Variants in PRTG observed in about 807,000 individuals in gnomAD.
PRTG encodes protogenin.
PRTG carries 67 observed loss-of-function variants against 122.5 expected under a neutral mutation model. The observed-to-expected ratio is 0.55, with a 90% CI of 0.45 to 0.67. The LOEUF (loss-of-function observed/expected upper bound fraction) is 0.67, where lower values mean the gene tolerates loss of function less well. Ranked by LOEUF, PRTG falls within the 30% of genes least tolerant of loss-of-function variation. The probability of loss-of-function intolerance (pLI) is 0.00; values close to 1 mark genes in which losing one functional copy is unlikely to be tolerated. For missense variants in PRTG, 1,435 were observed against 1,415.4 expected (o/e 1.01, Z -0.22); for synonymous variants, 554 against 501.1 (o/e 1.11, Z -1.41).
At chr15:55,672,864 T>C (rs908389316) in intron 10 of PRTG, among the ~76,000 whole-genome samples, 4 of 152,166 alleles carry the variant, frequency 2.6e-5, no homozygotes, top group African/African-American at 9.7e-5. Context: ...TAGTAATATC[T>C]GGACATTTAA....
chr15:55,724,129 A>G (rs1178378539), intron 2 of PRTG, among the ~76,000 whole-genome samples: 1 of 152,152 alleles, frequency 6.6e-6, no homozygotes, highest in Non-Finnish European at 1.5e-5. Context: ...TTTTATGTGC[A>G]CTAGAGGACA....
At chr15:55,704,636 T>G (rs2030019753) in intron 2 of PRTG, among the ~76,000 whole-genome samples, 1 of 152,192 alleles carries the variant, frequency 6.6e-6, no homozygotes, top group Admixed American at 6.5e-5. Context: ...CTCTTTCACA[T>G]AATAACCACT....
At chr15:55,737,567 G>A (rs2031450199) in intron 2 of PRTG, among the ~76,000 whole-genome samples, 1 of 152,158 alleles carries the variant, frequency 6.6e-6, no homozygotes, top group South Asian at 2.1e-4. Context: ...TAACTTTGCA[G>A]AAGAGCTACA....
At position 55,701,921 on chromosome 15, in the gene PRTG, A is replaced by G. The variant is rs534562386; in HGVS notation, c.398-17990T>C. Reference sequence around the variant, plus strand: ...AATGCAAAATATATGGGCTGCTAGGAGTCAGGGGAGAGAGAGGGTTATGAC... The same window carrying G: ...AATGCAAAATATATGGGCTGCTAGGGGTCAGGGGAGAGAGAGGGTTATGAC... On this transcript the variant is annotated intron_variant, in intron 2 of 19. Transcript: ENST00000389286. Among the ~76,000 whole-genome samples the G allele has an allele frequency of 1.3e-4, 20 of 152,286 alleles. 1 individual carries two copies. In the South Asian group the frequency reaches 4.1e-3, roughly 32 times the overall value.
chr15:55,671,588 A>T (rs7167804), intron 11 of PRTG, among the ~76,000 whole-genome samples: 144,914 of 152,168 alleles, frequency 0.95, 69,400 homozygotes, highest in Non-Finnish European at 1. Context: ...AACCTCCACC[A>T]CCCAGGGTGA....
At chr15:55,625,711 C>CA (rs1047094162) in intron 17 of PRTG, among the ~76,000 whole-genome samples, 2 of 151,686 alleles carry the variant, frequency 1.3e-5, no homozygotes, top group African/African-American at 2.4e-5. Context: ...GCAAGCTCCC[C>CA]CTCCCGGGTT....
chr15:55,740,230 G>C, intron 2 of PRTG, 152 bp downstream of exon 2: 1 of 649,092 alleles, frequency 1.5e-6, no homozygotes, highest in Non-Finnish European at 2.4e-6. Flanking sequence ...ATTTTTTTCA[G>C]ATTTCTCTAT....
rs2059199421 is a variant in PRTG, at chr15:55,627,138, A to T, written c.2807-10T>A. On this transcript the variant is annotated splice_polypyrimidine_tract_variant and intron_variant, in intron 16 of 19. Transcript: ENST00000389286. ...TAATATCCTGAATAAACTAGAAGGG[A>T]AAACACATTTACTCAGAATCAATCA... The T allele has an allele frequency of 1.9e-6, 3 of 1,567,946 alleles. No individual in the cohort carries two copies. Among genetic ancestry groups the T allele is most frequent in the Middle Eastern group, 1.7e-4 (1 of 5,940 alleles).
intron 8 of PRTG, among the ~76,000 whole-genome samples, chr15:55,677,072 C>T (rs1461730625): frequency 1.3e-5 from 2 of 152,130 alleles, no homozygotes; most frequent in Non-Finnish European, 2.9e-5. Flanking sequence ...AAGCCTCTAC[C>T]ATGGTTTCTA....
intron 2 of PRTG, among the ~76,000 whole-genome samples, chr15:55,707,696 C>T (rs925384203): frequency 6.6e-6 from 1 of 152,156 alleles, no homozygotes; most frequent in Admixed American, 6.5e-5. Flanking sequence ...GGCTGTCAAG[C>T]GTCACATTCA....
intron 1 of PRTG, among the ~76,000 whole-genome samples, chr15:55,741,100 C>T (rs2031593371): frequency 6.6e-6 from 1 of 152,192 alleles, no homozygotes; most frequent in African/African-American, 2.4e-5. Context: ...TGTGAACAAG[C>T]AAGTTTATTT....
chr15:55,634,532 A>G (rs373798433), intron 15 of PRTG, among the ~76,000 whole-genome samples: 25 of 152,238 alleles, frequency 1.6e-4, no homozygotes, highest in African/African-American at 5.5e-4. Flanking sequence ...GACTGAAACT[A>G]AATTATACAT....
chr15:55,683,895 T>G lies in PRTG; in HGVS notation c.434A>C (p.Glu145Ala), dbSNP rs1157395920. The change falls in exon 3 of 20, where the codon GAG becomes GCG. Residue 145 changes from glutamate (E) to alanine (A), a missense_variant. Coordinates refer to ENST00000389286, the MANE Select transcript of PRTG (RefSeq NM_173814.6). ...SAFEVQPIST[E>A]VHEGGVARFA... is the part of the protein sequence containing the mutation. ...TCGAGCAACTCCACCTTCGTGGACCTCAGTGGAAATTGGCTGGACTTCAAA... is the reference window on the plus strand; with the variant it reads ...TCGAGCAACTCCACCTTCGTGGACCGCAGTGGAAATTGGCTGGACTTCAAA... 6.2e-7 allele frequency: 1 copy of G among 1,613,626 alleles called. No individual in the cohort carries two copies. The highest frequency in any genetic ancestry group is 1.3e-5 in the African/African-American group (1 of 74,916).
intron 17 of PRTG, among the ~76,000 whole-genome samples, 199 bp downstream of exon 17, chr15:55,626,809 T>A (rs1441848966): frequency 6.6e-6 from 1 of 152,158 alleles, no homozygotes; most frequent in African/African-American, 2.4e-5. Flanking sequence ...GGCATAATGT[T>A]TTCAAACAGC....
At chr15:55,669,393 T>C (rs2059455910) in intron 11 of PRTG, among the ~76,000 whole-genome samples, 2 of 152,142 alleles carry the variant, frequency 1.3e-5, no homozygotes, top group South Asian at 2.1e-4. Context: ...AGGATTCCCT[T>C]AACCTACTGC....
Position 55,624,449 on chromosome 15 carries a change from C to G in PRTG, c.2986G>C (p.Ala996Pro). 1 of 1,613,808 alleles carries G rather than the reference C, an allele frequency of 6.2e-7. No individual in the cohort carries two copies. The highest frequency in any genetic ancestry group is 8.5e-7 in the Non-Finnish European group (1 of 1,179,778). ...NGTQQLPRTS[A>P]SLASGNEVGK... Reference sequence around the variant, plus strand: ...ACCTCATTTCCACTAGCTAAGGAGGCACTGGTACGAGGTAACTGTTGAGTT... The same window carrying G: ...ACCTCATTTCCACTAGCTAAGGAGGGACTGGTACGAGGTAACTGTTGAGTT... The change falls in exon 18 of 20, where the codon GCC becomes CCC. Residue 996 changes from alanine to proline, a missense_variant. Transcript: ENST00000389286.
At chr15:55,654,462 G>A (rs1044188003) in intron 11 of PRTG, among the ~76,000 whole-genome samples, 2 of 152,192 alleles carry the variant, frequency 1.3e-5, no homozygotes, top group Non-Finnish European at 2.9e-5. Flanking sequence ...GAATAGCGGT[G>A]TGTGTGCCGT....
In PRTG at chr15:55,611,751, A is replaced by G. The variant is rs891641379; in HGVS notation, c.*8261T>C. 5.9e-5 allele frequency: 9 copies of G among 152,116 alleles called. No individual in the cohort carries two copies. The highest frequency in any genetic ancestry group is 1.9e-4 in the African/African-American group (8 of 41,446). The allele number at this position is 152,116 out of a possible 1,614,324, so 9.4% of individuals were successfully genotyped here. A position where few individuals can be genotyped will look rare whatever the true frequency, so the allele number is the denominator to read the frequency against. ...AAAAAAAAACAAATCTACATTATTA[A>G]ACAAATATGTTTTAAGAAGACATTA... On this transcript the variant is annotated 3_prime_UTR_variant, in exon 20 of 20. Coordinates refer to ENST00000389286, the MANE Select transcript of PRTG (RefSeq NM_173814.6).
At chr15:55,633,749 G>A (rs4774796) in intron 15 of PRTG, among the ~76,000 whole-genome samples, 29,004 of 152,064 alleles carry the variant, frequency 0.19, 3,738 homozygotes, top group East Asian at 0.56. Flanking sequence ...TTCTCTCTCA[G>A]AAAAGTAAAC....
Sources: gnomAD v4.1 joint callset for allele counts (sites outside exome capture counted in the v4.1 genomes callset) on GRCh38, gnomAD v4.1.1 for gene constraint, MANE v1.5 for transcripts, NCBI Gene and HGNC (gene_info 2026-07-23, HGNC 2026-07-21) for gene names.